SCART1: variants seen among roughly 807,000 people sequenced by gnomAD.
The protein encoded by SCART1 is scavenger receptor cysteine-rich domain-containing protein SCART1.
Under a neutral mutation model 36.2 loss-of-function variants are expected in SCART1, and 62 were observed. The ratio of observed to expected loss-of-function variants is 1.71; its 90% confidence interval spans 1.40 to 2.12. SCART1 has a LOEUF of 2.12. SCART1 is among the 30% of genes most tolerant of loss of function. SCART1 has a pLI of 0.00. For missense variants in SCART1, 1,041 were observed against 540.5 expected (o/e 1.93, Z -9.18); for synonymous variants, 487 against 238.7 (o/e 2.04, Z -9.59).
exon 7 of SCART1, chr10:133,464,828 G>A (rs540078632): frequency 1.0e-5 from 7 of 702,844 alleles, no homozygotes; most frequent in East Asian, 2.7e-5. Flanking sequence ...GGACAACATC[G>A]AGTGCCGCAG....
At chr10:133,463,012 A>G (rs532538347) in intron 6 of SCART1, among the ~76,000 whole-genome samples, 5 of 152,302 alleles carry the variant, frequency 3.3e-5, no homozygotes, top group Admixed American at 2.0e-4. Flanking sequence ...TTCATACCCA[A>G]TGTTCTCCAA....
intron 1 of SCART1, among the ~76,000 whole-genome samples, chr10:133,454,413 C>T (rs1347132182): frequency 1.3e-5 from 2 of 152,086 alleles, no homozygotes; most frequent in African/African-American, 4.8e-5. Context: ...TGCCCTGGAG[C>T]AGGGCTGAGG....
At position 133,454,080 on chromosome 10, in the gene SCART1, CTT is replaced by C. The variant is rs1850580000; in HGVS notation, c.67+17_67+18del. The C allele has an allele frequency of 1.4e-6, 1 of 702,688 alleles. No individual in the cohort carries two copies. Among genetic ancestry groups the C allele is most frequent in the Non-Finnish European group, 2.6e-6 (1 of 384,984 alleles). The allele number at this position is 702,688 out of a possible 1,614,324, so 43.5% of individuals were successfully genotyped here. A position where few individuals can be genotyped will look rare whatever the true frequency, so the allele number is the denominator to read the frequency against. On this transcript the variant is annotated intron_variant, in intron 1 of 11. Coordinates refer to ENST00000640237, the Ensembl canonical transcript of SCART1. ...GTCCCCATTGGTAAGTTTCTGCTTC[CTT>C]CATCCATGGAACTTTCTGGAGGCAT...
intron 6 of SCART1, among the ~76,000 whole-genome samples, chr10:133,463,378 C>T (rs1850725846): frequency 6.6e-6 from 1 of 152,132 alleles, no homozygotes; most frequent in African/African-American, 2.4e-5. Context: ...AACTACATTC[C>T]TCCTGCTGTA....
At chr10:133,456,311 G>A in exon 2 of SCART1, 1 of 702,978 alleles carries the variant, frequency 1.4e-6, no homozygotes, top group Non-Finnish European at 2.6e-6. Flanking sequence ...ACACCACGGG[G>A]CATGGGGATA....
chr10:133,457,735 C>A (rs2133551237), intron 3 of SCART1, 160 bp downstream of exon 3: 1 of 568,900 alleles, frequency 1.8e-6, no homozygotes, highest in South Asian at 2.2e-5. Flanking sequence ...AGCTCTCACG[C>A]TGGTTCTCAG....
chr10:133,459,250 C>T, exon 5 of SCART1: 2 of 685,018 alleles, frequency 2.9e-6, no homozygotes, highest in Non-Finnish European at 5.3e-6. Flanking sequence ...CAGAGTCCTA[C>T]TTGTGGAATT....
chr10:133,461,179 G>A (rs1360013165), intron 6 of SCART1, among the ~76,000 whole-genome samples: 1 of 152,050 alleles, frequency 6.6e-6, no homozygotes, highest in South Asian at 2.1e-4. Context: ...TTGGGGGATG[G>A]GTTCTCTGGA....
chr10:133,467,823 G>A (rs190307378), intron 11 of SCART1, 24 bp from the exon 12 acceptor site: 3 of 656,860 alleles, frequency 4.6e-6, no homozygotes, highest in African/African-American at 1.8e-5. Context: ...TGCTGATTTG[G>A]TCACGCGGTG....
chr10:133,467,696 T>A (rs1850778531), intron 11 of SCART1, 151 bp from the exon 12 acceptor site: 1 of 552,936 alleles, frequency 1.8e-6, no homozygotes. Context: ...ACAGGCTGCT[T>A]GGGGTGCTTC....
intron 2 of SCART1, among the ~76,000 whole-genome samples, chr10:133,456,833 C>A (rs1000441425): frequency 5.3e-5 from 8 of 152,090 alleles, no homozygotes; most frequent in African/African-American, 1.7e-4. Flanking sequence ...AGGCAGCAGC[C>A]GAGCGGGGGC....
At chr10:133,456,621 C>T in intron 2 of SCART1, 67 bp downstream of exon 2, 1 of 594,604 alleles carries the variant, frequency 1.7e-6, no homozygotes, top group South Asian at 1.9e-5. Context: ...AGGAGGAGGA[C>T]TGGGAGGACG....
At chr10:133,459,657 G>C in exon 6 of SCART1, 1 of 692,990 alleles carries the variant, frequency 1.4e-6, no homozygotes, top group Non-Finnish European at 2.6e-6. Context: ...AGCCTATGAC[G>C]CACCTGCCCC....
At chr10:133,458,512 G>C in exon 4 of SCART1, 1 of 676,596 alleles carries the variant, frequency 1.5e-6, no homozygotes, top group Non-Finnish European at 2.7e-6. Context: ...GTCCACGCCC[G>C]AGGGCGCCCG....
exon 9 of SCART1, chr10:133,465,251 A>T: frequency 1.4e-6 from 1 of 695,810 alleles, no homozygotes; most frequent in East Asian, 2.7e-5. Flanking sequence ...CCTTTTGCAG[A>T]GGAGGGCGCA....
In SCART1 at chr10:133,459,751, C is replaced by T. The variant is rs762818098; in HGVS notation, c.1550C>T (p.Ala517Val). 4.3e-6 allele frequency: 3 copies of T among 696,056 alleles called. No individual in the cohort carries two copies. The South Asian group carries it at 4.5e-5, about 10-fold the overall frequency. 43.1% of individuals were successfully genotyped at this position (696,056 alleles called of 1,614,324 possible). ...CGCCTGACTCAGTGCAACGTGTCCG[C>T]GACCCTGCAGGAGCCCGCGGGGACC... Residue 517 changes from alanine (A) to valine (V), a missense_variant, in exon 6 of 12, where the codon GCG (alanine) becomes GTG (valine). Transcript: ENST00000640237.
exon 6 of SCART1, chr10:133,459,767 C>T (rs1312672231): frequency 4.4e-6 from 3 of 685,474 alleles, no homozygotes; most frequent in Admixed American, 2.1e-5. Context: ...TGCAGGAGCC[C>T]GCGGGGACCT....
chr10:133,466,820 G>A (rs1482137838), intron 10 of SCART1, among the ~76,000 whole-genome samples: 1 of 152,234 alleles, frequency 6.6e-6, no homozygotes, highest in Non-Finnish European at 1.5e-5. Flanking sequence ...AGTCAACACG[G>A]TGGATCAGCA....
At chr10:133,457,444 G>A (rs540879852) in exon 3 of SCART1, 28 of 702,534 alleles carry the variant, frequency 4.0e-5, no homozygotes, top group African/African-American at 3.8e-4. Flanking sequence ...CAGGCCCCCC[G>A]CCGGGACGTG....
Sources: gnomAD v4.1 joint callset for allele counts (sites outside exome capture counted in the v4.1 genomes callset) on GRCh38, gnomAD v4.1.1 for gene constraint, MANE v1.5 for transcripts, NCBI Gene and HGNC (gene_info 2026-07-23, HGNC 2026-07-21) for gene names.